TPD52: variants seen among roughly 807,000 people sequenced by gnomAD.
TPD52 encodes tumor protein D52.
A neutral mutation model predicts 31.3 loss-of-function variants in TPD52; 17 were observed. The ratio of observed to expected loss-of-function variants is 0.54; its 90% CI spans 0.37 to 0.82. TPD52 has a LOEUF of 0.82. Ranked by LOEUF, TPD52 falls within the 40% of genes least tolerant of loss-of-function variation. The pLI is 0.00. For synonymous variants in TPD52, 83 were observed against 89.6 expected (o/e 0.93, Z 0.42); for missense variants, 212 against 240.1 (o/e 0.88, Z 0.77).
At chr8:80,038,650 A>G (rs1810088831) in intron 7 of TPD52, among the ~76,000 whole-genome samples, 1 of 152,150 alleles carries the variant, frequency 6.6e-6, no homozygotes, top group Non-Finnish European at 1.5e-5. Flanking sequence ...GGAAAGAAAT[A>G]TATGTTTTTT....
At chr8:80,080,508 T>G (rs1192081807) in intron 1 of TPD52, 2 of 1,601,250 alleles carry the variant, frequency 1.2e-6, no homozygotes, top group Non-Finnish European at 1.7e-6. Flanking sequence ...AGCCTTCAGT[T>G]GAGTGCCGCT....
chr8:80,074,539 G>C (rs1170183127), intron 1 of TPD52, among the ~76,000 whole-genome samples: 1 of 152,256 alleles, frequency 6.6e-6, no homozygotes, highest in African/African-American at 2.4e-5. Context: ...GGATGACTGT[G>C]GCAGGGACTG....
intron 1 of TPD52, among the ~76,000 whole-genome samples, chr8:80,094,444 A>ATATATATATATT (rs1324772642): frequency 2.1e-5 from 1 of 48,560 alleles, no homozygotes; most frequent in African/African-American, 1.6e-4. Flanking sequence ...ATATATATAT[A>ATATATATATATT]TATATATATA....
At chr8:80,148,421 C>T (rs1157667070) in intron 1 of TPD52, among the ~76,000 whole-genome samples, 1 of 151,746 alleles carries the variant, frequency 6.6e-6, no homozygotes, top group Non-Finnish European at 1.5e-5. Flanking sequence ...CCTCAGCCTC[C>T]CAAAATGCTG....
At chr8:80,082,069 A>G (rs932216596) in intron 1 of TPD52, among the ~76,000 whole-genome samples, 3 of 151,336 alleles carry the variant, frequency 2.0e-5, no homozygotes, top group Admixed American at 1.3e-4. Context: ...CGGCCTCCCA[A>G]AGTTCTCGGA....
At chr8:80,095,508 TTTAG>T (rs1158407309) in intron 1 of TPD52, among the ~76,000 whole-genome samples, 1 of 152,196 alleles carries the variant, frequency 6.6e-6, no homozygotes, top group African/African-American at 2.4e-5. Flanking sequence ...AACTACAGAC[TTTAG>T]TTAATAATAA....
At chr8:80,052,558 T>C (rs1041495684) in intron 3 of TPD52, 3 of 1,201,572 alleles carry the variant, frequency 2.5e-6, no homozygotes, top group East Asian at 1.2e-4. Flanking sequence ...TTAAATGCAG[T>C]TGGCCTCACT....
chr8:80,068,300 T>C (rs1421331095), intron 1 of TPD52, among the ~76,000 whole-genome samples: 1 of 152,172 alleles, frequency 6.6e-6, no homozygotes, highest in African/African-American at 2.4e-5. Flanking sequence ...GAGGCAGGAT[T>C]AATACTTGGG....
intron 1 of TPD52, among the ~76,000 whole-genome samples, chr8:80,109,029 A>G (rs1324841651): frequency 6.6e-6 from 1 of 152,236 alleles, no homozygotes; most frequent in African/African-American, 2.4e-5. Context: ...AACATTGGTT[A>G]TATTACCAAG....
In TPD52 at chr8:80,113,342, A is replaced by G. The variant is rs1807636054; in HGVS notation, c.20-48749T>C. 1.3e-5 allele frequency among the ~76,000 whole-genome samples: 2 copies of G among 152,116 alleles called. 1 individual carries two copies. Among genetic ancestry groups the G allele is most frequent in the South Asian group, 4.1e-4 (2 of 4,820 alleles). On this transcript the variant is annotated intron_variant, in intron 1 of 7. Coordinates refer to ENST00000518937, the MANE Select transcript of TPD52 (RefSeq NM_001025253.3). ...CATATACACTGTTTGTGAGACTGTA[A>G]ATTAGTACAGTAACTATGGAAAACA...
intron 1 of TPD52, among the ~76,000 whole-genome samples, chr8:80,146,429 G>C (rs1810200346): frequency 6.6e-6 from 1 of 152,222 alleles, no homozygotes; most frequent in East Asian, 1.9e-4. Context: ...AAAGGGTCTA[G>C]TAAGCACATT....
At chr8:80,112,593 G>A (rs1469063757) in intron 1 of TPD52, among the ~76,000 whole-genome samples, 1 of 152,188 alleles carries the variant, frequency 6.6e-6, no homozygotes, top group Non-Finnish European at 1.5e-5. Context: ...AAAAAACAAT[G>A]TAGAGTTTAT....
At chr8:80,068,809 T>A (rs1303840102) in intron 1 of TPD52, among the ~76,000 whole-genome samples, 1 of 152,194 alleles carries the variant, frequency 6.6e-6, no homozygotes, top group Non-Finnish European at 1.5e-5. Flanking sequence ...ACACATCCCA[T>A]CAATCTGAAG....
chr8:80,041,408 AT>A, intron 7 of TPD52, among the ~76,000 whole-genome samples: 1 of 152,262 alleles, frequency 6.6e-6, no homozygotes, highest in East Asian at 1.9e-4. Flanking sequence ...TAAACTGAAT[AT>A]TAGTTTTTAA....
At chr8:80,090,367 T>TA (rs945541327) in intron 1 of TPD52, among the ~76,000 whole-genome samples, 7 of 150,718 alleles carry the variant, frequency 4.6e-5, no homozygotes, top group African/African-American at 1.7e-4. Flanking sequence ...GCCACCTCTT[T>TA]AAAAAACAAA....
intron 1 of TPD52, among the ~76,000 whole-genome samples, chr8:80,148,988 C>T (rs1810389255): frequency 6.6e-6 from 1 of 151,996 alleles, no homozygotes; most frequent in African/African-American, 2.4e-5. Context: ...CATTAAAAAG[C>T]TTAAGTTATT....
In TPD52 at chr8:80,115,925, C is replaced by G. The variant is rs543116347; in HGVS notation, c.20-51332G>C. On this transcript the variant is annotated intron_variant, in intron 1 of 7. Coordinates refer to ENST00000518937, the MANE Select transcript of TPD52 (RefSeq NM_001025253.3). ...ATATTTGGAAGACATATGACAAAGG[C>G]TAATTTCTTCTTAATATAACAAAAA... 2.0e-5 allele frequency among the ~76,000 whole-genome samples: 3 copies of G among 152,198 alleles called. No homozygotes were observed. In the South Asian group the frequency reaches 6.2e-4, roughly 32 times the overall value.
At chr8:80,136,852 A>T (rs569833487) in intron 1 of TPD52, among the ~76,000 whole-genome samples, 2 of 152,308 alleles carry the variant, frequency 1.3e-5, no homozygotes, top group East Asian at 3.9e-4. Context: ...TGGGGCTTTC[A>T]TCTAATCAAG....
At chr8:80,080,192 G>T in intron 1 of TPD52, 1 of 732,236 alleles carries the variant, frequency 1.4e-6, no homozygotes, top group Non-Finnish European at 2.3e-6. Context: ...TAGCTTATTA[G>T]CTAGTTACAA....
Sources: allele counts gnomAD v4.1 joint callset (sites outside exome capture counted in the v4.1 genomes callset), GRCh38; gene constraint gnomAD v4.1.1; transcripts MANE v1.5; gene names NCBI Gene and HGNC (gene_info 2026-07-23, HGNC 2026-07-21).